CSNK1G1: variants seen among roughly 807,000 people sequenced by gnomAD.
CSNK1G1 encodes casein kinase 1 gamma 1, also known as casein kinase I isoform gamma-1.
In CSNK1G1, 22 loss-of-function variants were observed where a neutral mutation model predicts 59.6. The observed-to-expected ratio is 0.37, with a 90% CI of 0.26 to 0.53. The LOEUF is 0.53. Ranked by LOEUF, CSNK1G1 falls within the 20% of genes least tolerant of loss-of-function variation. The pLI, the probability that CSNK1G1 is intolerant of heterozygous loss-of-function variation, is 0.89. For missense variants in CSNK1G1, 384 were observed against 519.5 expected (o/e 0.74, Z 2.54); for synonymous variants, 179 against 177.1 (o/e 1.01, Z -0.08).
At chr15:64,246,755 G>T (rs144219898) in intron 4 of CSNK1G1, among the ~76,000 whole-genome samples, 34 of 151,990 alleles carry the variant, frequency 2.2e-4, no homozygotes, top group African/African-American at 8.2e-4. Context: ...CCAGGATATG[G>T]GAGCCTAGAC....
intron 4 of CSNK1G1, among the ~76,000 whole-genome samples, chr15:64,234,672 G>A (rs2140296366): frequency 6.6e-6 from 1 of 152,308 alleles, no homozygotes; most frequent in East Asian, 1.9e-4. Flanking sequence ...TATTTAGCAA[G>A]TGTTACTAGA....
At chr15:64,287,988 T>C (rs1293333616) in intron 2 of CSNK1G1, among the ~76,000 whole-genome samples, 1 of 152,000 alleles carries the variant, frequency 6.6e-6, no homozygotes, top group Non-Finnish European at 1.5e-5. Context: ...GAGAATTGAA[T>C]AAACAAATGG....
intron 1 of CSNK1G1, among the ~76,000 whole-genome samples, chr15:64,309,142 G>A (rs1246975763): frequency 6.6e-6 from 1 of 152,002 alleles, no homozygotes. Flanking sequence ...CAATTACAGT[G>A]CCCCTCTTAT....
intron 2 of CSNK1G1, among the ~76,000 whole-genome samples, chr15:64,284,101 T>G (rs1274475480): frequency 6.6e-6 from 1 of 152,184 alleles, no homozygotes; most frequent in Non-Finnish European, 1.5e-5. Flanking sequence ...AATTATTGTT[T>G]CCCCATTGTA....
chr15:64,198,282 C>T (rs1412469275), intron 10 of CSNK1G1, among the ~76,000 whole-genome samples: 1 of 149,850 alleles, frequency 6.7e-6, no homozygotes, highest in African/African-American at 2.5e-5. Flanking sequence ...TGGCTCACTG[C>T]ACAACCTCCG....
At chr15:64,340,374 T>C (rs973171170) in intron 1 of CSNK1G1, among the ~76,000 whole-genome samples, 1 of 152,230 alleles carries the variant, frequency 6.6e-6, no homozygotes, top group Non-Finnish European at 1.5e-5. Flanking sequence ...CAGGAAGTAT[T>C]GTTTTAATGT....
intron 2 of CSNK1G1, among the ~76,000 whole-genome samples, chr15:64,297,463 C>T (rs1311717392): frequency 2.0e-5 from 3 of 151,964 alleles, no homozygotes; most frequent in South Asian, 2.1e-4. Flanking sequence ...AATCCCAACA[C>T]TTTGGAAGGC....
chr15:64,344,335 T>G (rs2140481161), intron 1 of CSNK1G1, among the ~76,000 whole-genome samples: 1 of 152,346 alleles, frequency 6.6e-6, no homozygotes. Context: ...CATAACACTC[T>G]ACTCTAGTTT....
rs754314022 is a variant in CSNK1G1, at chr15:64,207,501, A to G, written c.765+8T>C. ...ACAAAGCCCTCCACTGAACACTTTC[A>G]AGGATACCTTGAGTCCTTGCCAGGG... On this transcript the variant is annotated splice_region_variant and intron_variant, in intron 7 of 11. Coordinates refer to ENST00000303052, the MANE Select transcript of CSNK1G1 (RefSeq NM_022048.5). The G allele has an allele frequency of 5.0e-6, 8 of 1,601,098 alleles. No homozygotes were observed. In the South Asian group the frequency reaches 7.7e-5, roughly 15 times the overall value.
intron 1 of CSNK1G1, among the ~76,000 whole-genome samples, chr15:64,334,475 T>A (rs898887045): frequency 3.9e-5 from 6 of 152,184 alleles, no homozygotes; most frequent in African/African-American, 1.4e-4. Context: ...TCCATTATTA[T>A]TACATTGTAC....
chr15:64,325,146 T>C (rs1422725353), intron 1 of CSNK1G1, among the ~76,000 whole-genome samples: 1 of 152,220 alleles, frequency 6.6e-6, no homozygotes, highest in African/African-American at 2.4e-5. Flanking sequence ...CTTTTTCCTA[T>C]AATCATCCCC....
intron 2 of CSNK1G1, among the ~76,000 whole-genome samples, chr15:64,261,604 A>AAAC (rs1477970423): frequency 6.6e-6 from 1 of 151,972 alleles, no homozygotes; most frequent in Admixed American, 6.6e-5. Context: ...TCTGTCTCAA[A>AAAC]AACAACAACA....
chr15:64,264,578 A>T (rs1421238304), intron 2 of CSNK1G1, among the ~76,000 whole-genome samples: 1 of 152,232 alleles, frequency 6.6e-6, no homozygotes, highest in Non-Finnish European at 1.5e-5. Flanking sequence ...ACAAAATAAA[A>T]CTACAGGCCA....
intron 6 of CSNK1G1, among the ~76,000 whole-genome samples, chr15:64,212,116 A>T (rs2082256507): frequency 6.6e-6 from 1 of 152,220 alleles, no homozygotes; most frequent in Middle Eastern, 3.2e-3. Context: ...TATCCCTGTG[A>T]AGCATTACCC....
intron 1 of CSNK1G1, among the ~76,000 whole-genome samples, chr15:64,355,646 T>A (rs1280862646): frequency 6.6e-6 from 1 of 151,146 alleles, no homozygotes; most frequent in African/African-American, 2.4e-5. Context: ...CCTGACGAGA[T>A]CTGTGCCCTC....
intron 2 of CSNK1G1, among the ~76,000 whole-genome samples, chr15:64,266,652 T>G (rs1893004442): frequency 6.6e-6 from 1 of 152,152 alleles, no homozygotes; most frequent in Non-Finnish European, 1.5e-5. Context: ...CAAAGCAGCA[T>G]GGCACTGGCA....
At chr15:64,252,454 C>T (rs1892141435) in intron 3 of CSNK1G1, among the ~76,000 whole-genome samples, 1 of 152,078 alleles carries the variant, frequency 6.6e-6, no homozygotes, top group Non-Finnish European at 1.5e-5. Context: ...AAGCAATCCT[C>T]CCACTTCAGC....
chr15:64,224,505 C>T (rs914769394), intron 4 of CSNK1G1, among the ~76,000 whole-genome samples: 31 of 152,078 alleles, frequency 2.0e-4, no homozygotes, highest in African/African-American at 6.5e-4. Context: ...TGAGATAATA[C>T]GTAGTATATC....
intron 2 of CSNK1G1, among the ~76,000 whole-genome samples, chr15:64,277,184 G>A (rs1893678973): frequency 6.6e-6 from 1 of 152,050 alleles, no homozygotes; most frequent in South Asian, 2.1e-4. Flanking sequence ...AAAGTTGGAG[G>A]CTGGGTGCTG....
Sources: gnomAD v4.1 joint callset for allele counts (sites outside exome capture counted in the v4.1 genomes callset) on GRCh38, gnomAD v4.1.1 for gene constraint, MANE v1.5 for transcripts, NCBI Gene and HGNC (gene_info 2026-07-23, HGNC 2026-07-21) for gene names.